The following MYO3A variants were observed in gnomAD, a reference collection of about 807,000 sequenced individuals.
The protein encoded by MYO3A is myosin IIIA.
In MYO3A, 180 loss-of-function variants were observed where a neutral mutation model predicts 192.7. The observed-to-expected ratio is 0.93, with a 90% CI of 0.83 to 1.06. The LOEUF (loss-of-function observed/expected upper bound fraction) is 1.06. Ranked by LOEUF, MYO3A falls within the 50% of genes least tolerant of loss-of-function variation. MYO3A has a pLI of 0.00. For missense variants in MYO3A, 1,896 were observed against 1,905.0 expected (o/e 1.00, Z 0.09); for synonymous variants, 628 against 645.3 (o/e 0.97, Z 0.41).
intron 26 of MYO3A, among the ~76,000 whole-genome samples, chr10:26,162,864 A>G (rs922633181): frequency 1.3e-5 from 2 of 152,278 alleles, no homozygotes; most frequent in Non-Finnish European, 2.9e-5. Flanking sequence ...TGCGTTTTGC[A>G]TAAGAAAAGA....
chr10:26,102,776 G>T (rs1238232495), intron 17 of MYO3A, among the ~76,000 whole-genome samples: 2 of 152,134 alleles, frequency 1.3e-5, no homozygotes, highest in African/African-American at 4.8e-5. Context: ...CATCTCAGAG[G>T]GGCACCTGGC....
At position 26,170,384 on chromosome 10, in the gene MYO3A, A is replaced by C. The variant is rs760392324; in HGVS notation, c.3275-32A>C. 2.5e-6 allele frequency: 4 copies of C among 1,609,276 alleles called. No individual in the cohort carries two copies. The East Asian group carries it at 9.0e-5, about 36-fold the overall frequency. ...AGTAAATTTCTTTTATTTGTTTATA[A>C]TTAACACTACTATGGGCTTTCTGTG... On this transcript the variant is annotated intron_variant, in intron 28 of 34. Coordinates refer to ENST00000642920, the MANE Select transcript of MYO3A (RefSeq NM_017433.5).
At chr10:26,194,968 G>C (rs536194301) in intron 32 of MYO3A, among the ~76,000 whole-genome samples, 1 of 152,080 alleles carries the variant, frequency 6.6e-6, no homozygotes, top group Admixed American at 6.5e-5. Context: ...GATATAAATC[G>C]CATGCCATAC....
intron 17 of MYO3A, among the ~76,000 whole-genome samples, chr10:26,101,624 T>C (rs909463281): frequency 1.3e-5 from 2 of 152,232 alleles, no homozygotes; most frequent in African/African-American, 4.8e-5. Flanking sequence ...TTTGCTTGTC[T>C]GTAAAGGATT....
intron 4 of MYO3A, among the ~76,000 whole-genome samples, chr10:25,993,129 A>G (rs1240725492): frequency 6.7e-6 from 1 of 149,540 alleles, no homozygotes; most frequent in Non-Finnish European, 1.5e-5. Flanking sequence ...CTGTGAATCC[A>G]TTTGGTCCTG....
intron 11 of MYO3A, among the ~76,000 whole-genome samples, chr10:26,067,288 A>G (rs1005396267): frequency 1.3e-5 from 2 of 152,176 alleles, no homozygotes; most frequent in Non-Finnish European, 2.9e-5. Context: ...TTTAATCTAT[A>G]TAACTCAAAT....
rs556856935 is a variant in MYO3A at position 26,060,574 on chromosome 10, A to G, written c.954-6401A>G. Among the ~76,000 whole-genome samples, 3 of 152,356 alleles carry G rather than the reference A, an allele frequency of 2.0e-5. No individual in the cohort carries two copies. The South Asian group carries it at 6.2e-4, about 32-fold the overall frequency. On this transcript the variant is annotated intron_variant, in intron 10 of 34. Coordinates refer to ENST00000642920, the MANE Select transcript of MYO3A (RefSeq NM_017433.5). ...TTTCCATAAATTTCCATATCAAAAT[A>G]TGTTTTCCTTACAATTCTAATATAT... is the stretch of plus-strand genomic sequence containing the variant.
chr10:25,967,140 A>G (rs576961258), intron 4 of MYO3A, among the ~76,000 whole-genome samples: 173 of 152,366 alleles, frequency 1.1e-3, no homozygotes, highest in African/African-American at 4.0e-3. Flanking sequence ...GAAAATCTAC[A>G]TAAAGATTAT....
chr10:25,976,430 T>C (rs930407087), intron 4 of MYO3A, among the ~76,000 whole-genome samples: 8 of 152,146 alleles, frequency 5.3e-5, no homozygotes, highest in Admixed American at 3.9e-4. Flanking sequence ...CAAAAAACAA[T>C]TGAAAAACAA....
chr10:25,992,688 A>G (rs953485063), intron 4 of MYO3A, among the ~76,000 whole-genome samples: 2 of 152,100 alleles, frequency 1.3e-5, no homozygotes, highest in African/African-American at 4.8e-5. Context: ...TCCCATCAAT[A>G]CCTAATTTAT....
chr10:25,954,321 T>C (rs1292020246), intron 3 of MYO3A, among the ~76,000 whole-genome samples: 1 of 152,164 alleles, frequency 6.6e-6, no homozygotes, highest in Non-Finnish European at 1.5e-5. Flanking sequence ...ATTGATAAGA[T>C]AGCAACCTGT....
At position 26,174,296 on chromosome 10, in the gene MYO3A, GGAA is replaced by G. The variant is rs1842202495; in HGVS notation, c.4038_4040del (p.Glu1346del). 5 of 1,613,928 alleles carry G rather than the reference GGAA, an allele frequency of 3.1e-6. No homozygotes were observed. The highest frequency in any genetic ancestry group is 1.3e-5 in the African/African-American group (1 of 74,910). On this transcript the variant is annotated inframe_deletion, in exon 30 of 35. Coordinates refer to ENST00000642920, the MANE Select transcript of MYO3A (RefSeq NM_017433.5). Reference sequence around the variant, plus strand: ...TTGAACCAGTGACACAGGCCCAGGAGGAAGAAGATAAAGCAGCGGTATTCATTC... The same window carrying G: ...TTGAACCAGTGACACAGGCCCAGGAGGAAGATAAAGCAGCGGTATTCATTC...
chr10:26,043,288 C>T (rs1843456319), intron 10 of MYO3A, among the ~76,000 whole-genome samples: 1 of 151,680 alleles, frequency 6.6e-6, no homozygotes. Flanking sequence ...TGTCTTGCCC[C>T]ATGCCCACTG....
intron 17 of MYO3A, among the ~76,000 whole-genome samples, chr10:26,114,534 A>G (rs1171416445): frequency 2.6e-5 from 4 of 152,174 alleles, no homozygotes; most frequent in African/African-American, 7.2e-5. Flanking sequence ...AACTCTAACC[A>G]CTCACTGAGG....
chr10:26,127,615 A>C (rs1014185991), intron 19 of MYO3A, among the ~76,000 whole-genome samples: 6 of 152,128 alleles, frequency 3.9e-5, no homozygotes, highest in Non-Finnish European at 4.4e-5. Flanking sequence ...TCACTTCCTT[A>C]CATAATACTA....
chr10:25,941,383 C>G (rs1836475942), intron 2 of MYO3A, among the ~76,000 whole-genome samples: 1 of 152,160 alleles, frequency 6.6e-6, no homozygotes, highest in Non-Finnish European at 1.5e-5. Flanking sequence ...TTGGGACTCA[C>G]TGGCAGAATT....
In MYO3A at chr10:26,211,856, G is replaced by C; in HGVS notation, c.4744G>C (p.Glu1582Gln). The change falls in exon 35 of 35, where the codon GAG becomes CAG. Residue 1582 changes from glutamate (E) to glutamine (Q), a missense_variant. Glu to Gln is a conservative substitution (Grantham distance 29). Coordinates refer to ENST00000642920, the MANE Select transcript of MYO3A (RefSeq NM_017433.5). Reference sequence around the variant, plus strand: ...TTTCACTTGCAGGTGCTGGGCGGCGGAGAGCCCCGAGAAGGAGGAGGAGAG... The same window carrying C: ...TTTCACTTGCAGGTGCTGGGCGGCGCAGAGCCCCGAGAAGGAGGAGGAGAG... ...IKANERCWAA[E>Q]SPEKEEEREP... The C allele has an allele frequency of 1.2e-6, 2 of 1,614,082 alleles. No homozygotes were observed. The highest frequency in any genetic ancestry group is 1.7e-6 in the Non-Finnish European group (2 of 1,180,016).
chr10:26,038,443 A>C (rs969718984), intron 10 of MYO3A, among the ~76,000 whole-genome samples: 5 of 151,952 alleles, frequency 3.3e-5, no homozygotes, highest in Admixed American at 6.6e-5. Flanking sequence ...TAGGCATTTT[A>C]TTTTATTTGT....
chr10:26,070,133 C>A lies in MYO3A; in HGVS notation c.1193C>A (p.Ser398Ter), dbSNP rs769540160. ...STKHSKLYIG[S>*]KRTASPPHIF... ...TAGCATTCCAAACTATATATTGGAT[C>A]AAAGAGAACTGCCAGTCCTCCTCAC... The change falls in exon 13 of 35, where the codon TCA (serine) becomes TAA (stop). Residue 398 changes from serine (S) to a stop codon, truncating the protein, a stop_gained. Coordinates refer to ENST00000642920, the MANE Select transcript of MYO3A (RefSeq NM_017433.5). LOFTEE classifies it high-confidence loss of function. The A allele has an allele frequency of 4.0e-5, 64 of 1,610,748 alleles. No individual in the cohort carries two copies. Among genetic ancestry groups the A allele is most frequent in the Middle Eastern group, 1.6e-4 (1 of 6,066 alleles).
Sources: allele counts gnomAD v4.1 joint callset (sites outside exome capture counted in the v4.1 genomes callset), GRCh38; gene constraint gnomAD v4.1.1; transcripts MANE v1.5; gene names NCBI Gene and HGNC (gene_info 2026-07-23, HGNC 2026-07-21).